Variants in RTF1 observed in about 807,000 individuals in gnomAD.
RTF1 encodes the protein RNA polymerase-associated protein RTF1 homolog.
RTF1 carries 10 observed loss-of-function variants against 95.7 expected under a neutral mutation model. The observed-to-expected ratio is 0.10, with a 90% CI of 0.06 to 0.18. The LOEUF (loss-of-function observed/expected upper bound fraction) is 0.18. Among genes scored for constraint, RTF1 ranks in the 10% least tolerant of loss-of-function variants. The pLI is 1.00. For missense variants in RTF1, 458 were observed against 875.6 expected, an observed-to-expected ratio of 0.52 and a Z score of 6.02; for synonymous variants, 305 against 311.8, an observed-to-expected ratio of 0.98 and a Z score of 0.23.
intron 5 of RTF1, among the ~76,000 whole-genome samples, chr15:41,465,573 G>A (rs914013767): frequency 1.3e-5 from 2 of 152,016 alleles, no homozygotes; most frequent in South Asian, 2.1e-4. Flanking sequence ...CCTCAGAAGC[G>A]GAGGTTGCAG....
At chr15:41,424,011 C>T (rs1295355616) in intron 1 of RTF1, among the ~76,000 whole-genome samples, 1 of 152,194 alleles carries the variant, frequency 6.6e-6, no homozygotes, top group Non-Finnish European at 1.5e-5. Flanking sequence ...CCTTGGCTTC[C>T]CCAGGGTGCT....
At chr15:41,454,635 C>A (rs2050803938) in intron 3 of RTF1, among the ~76,000 whole-genome samples, 1 of 152,102 alleles carries the variant, frequency 6.6e-6, no homozygotes, top group African/African-American at 2.4e-5. Flanking sequence ...GGAGACACCA[C>A]CTTTACCAAG....
rs200907186 is a variant in RTF1 at position 41,480,312 on chromosome 15, A to G, written c.2013A>G (p.Gln671=). 1.2e-6 allele frequency: 2 copies of G among 1,609,794 alleles called. No individual in the cohort carries two copies. The highest frequency in any genetic ancestry group is 1.1e-5 in the South Asian group (1 of 90,998). ...VHDFDVKIDL[Q]VPSSESKALA... is the part of the protein sequence containing the mutation. The stretch of plus-strand genomic sequence containing the variant: ...ATTTTGATGTGAAGATTGACTTACA[A>G]GTTCCCAGCTCAGGTATGTGAGGGT... The change falls in exon 17 of 18, where the codon CAA becomes CAG. Residue 671 remains glutamine, a synonymous_variant. Transcript: ENST00000389629.
At chr15:41,432,078 C>T (rs1028176433) in intron 1 of RTF1, among the ~76,000 whole-genome samples, 1 of 151,950 alleles carries the variant, frequency 6.6e-6, no homozygotes, top group African/African-American at 2.4e-5. Flanking sequence ...GGATTACAGG[C>T]ATGAGCCACT....
chr15:41,482,185 GGTGT>G lies in RTF1; in HGVS notation c.*1503_*1506del, dbSNP rs1333274616. The G allele has an allele frequency of 2.0e-5, 3 of 152,724 alleles. No homozygotes were observed. The East Asian group carries it at 5.8e-4, about 29-fold the overall frequency. The allele number at this position is 152,724 out of a possible 1,614,324, so 9.5% of individuals were successfully genotyped here. A position where few individuals can be genotyped will look rare whatever the true frequency, so the allele number is the denominator to read the frequency against. ...GTGCAGCTAGGGCGAAGCCAGCAGAGGTGTGTGTATGTCTTTATGAAATGTTTGA... is the reference window on the plus strand; with the variant it reads ...GTGCAGCTAGGGCGAAGCCAGCAGAGGTGTATGTCTTTATGAAATGTTTGA... On this transcript the variant is annotated 3_prime_UTR_variant, in exon 18 of 18. Coordinates refer to ENST00000389629, the MANE Select transcript of RTF1 (RefSeq NM_015138.5).
At chr15:41,431,360 G>A (rs969131052) in intron 1 of RTF1, among the ~76,000 whole-genome samples, 2 of 151,184 alleles carry the variant, frequency 1.3e-5, no homozygotes, top group Non-Finnish European at 2.9e-5. Flanking sequence ...GATTACAGGC[G>A]CCTGCCACCA....
intron 3 of RTF1, among the ~76,000 whole-genome samples, chr15:41,453,537 G>T (rs955464862): frequency 6.6e-6 from 1 of 152,060 alleles, no homozygotes; most frequent in African/African-American, 2.4e-5. Context: ...ACTAGCCTGG[G>T]TAACATAGTG....
intron 4 of RTF1, among the ~76,000 whole-genome samples, 176 bp downstream of exon 4, chr15:41,458,052 C>T (rs1235279851): frequency 6.6e-6 from 1 of 152,126 alleles, no homozygotes; most frequent in Non-Finnish European, 1.5e-5. Flanking sequence ...TCATTATTTA[C>T]TCAGTGCCAC....
rs528689623 is a variant in RTF1, at chr15:41,426,830, TTTTG to T, written c.198+9541_198+9544del. On this transcript the variant is annotated intron_variant, in intron 1 of 17. Transcript: ENST00000389629. ...GTGTGTGTGTGTGTGTGTGTGTAAT[TTTTG>T]TTTGTTTGTTTGTTTGTTTGTTTTT... 1.8e-3 allele frequency among the ~76,000 whole-genome samples: 248 copies of T among 140,124 alleles called. 1 individual carries two copies. Among genetic ancestry groups the T allele is most frequent in the African/African-American group, 5.1e-3 (194 of 38,092 alleles). The allele number at this position is 140,124 out of a possible 152,430, so 91.9% of individuals were successfully genotyped here.
At position 41,474,718 on chromosome 15, in the gene RTF1, G is replaced by C. The variant is rs777076791; in HGVS notation, c.1286+16G>C. 2.5e-6 allele frequency: 4 copies of C among 1,594,370 alleles called. No homozygotes were observed. Among genetic ancestry groups the C allele is most frequent in the Non-Finnish European group, 3.4e-6 (4 of 1,162,128 alleles). On this transcript the variant is annotated intron_variant, in intron 9 of 17. Coordinates refer to ENST00000389629, the MANE Select transcript of RTF1 (RefSeq NM_015138.5). ...TGCAACTACGGTAGGAGGCACTTCT[G>C]GGGTAGCTTCTGCTTCCACTTCAAA... is the stretch of plus-strand genomic sequence containing the variant.
intron 2 of RTF1, among the ~76,000 whole-genome samples, chr15:41,439,210 A>G (rs1389352724): frequency 1.3e-5 from 2 of 148,826 alleles, no homozygotes; most frequent in Admixed American, 1.3e-4. Flanking sequence ...TTTTTTTTTT[A>G]TTTTTAGTAG....
chr15:41,457,903 C>T (rs761579044), intron 4 of RTF1, 27 bp downstream of exon 4: 4 of 1,562,050 alleles, frequency 2.6e-6, no homozygotes, highest in Admixed American at 3.4e-5. Flanking sequence ...CGTTGTCCCC[C>T]CCCCGCCCCC....
At chr15:41,458,556 G>A (rs2050830445) in intron 4 of RTF1, among the ~76,000 whole-genome samples, 1 of 152,000 alleles carries the variant, frequency 6.6e-6, no homozygotes, top group Non-Finnish European at 1.5e-5. Flanking sequence ...AGACCAGCCT[G>A]GCCAACATGG....
intron 1 of RTF1, among the ~76,000 whole-genome samples, chr15:41,426,544 A>C (rs1300348415): frequency 1.3e-5 from 2 of 151,690 alleles, no homozygotes; most frequent in Admixed American, 6.6e-5. Flanking sequence ...AGACGTCATG[A>C]TCTGCCCACC....
chr15:41,421,578 T>C (rs977124932), intron 1 of RTF1, among the ~76,000 whole-genome samples: 2 of 151,686 alleles, frequency 1.3e-5, no homozygotes, highest in Non-Finnish European at 2.9e-5. Context: ...TTGCAGTTAC[T>C]TGTGGTCCCA....
Position 41,417,189 on chromosome 15 carries a change from A to C in RTF1, c.74A>C (p.Gln25Pro), listed in dbSNP as rs777836965. ...GTGGCGGTCCCACTGGCAGGCGGGCAAGAGGGGAGTCCGGGCGGCGGCCGG... is the reference window on the plus strand; with the variant it reads ...GTGGCGGTCCCACTGGCAGGCGGGCCAGAGGGGAGTCCGGGCGGCGGCCGG... ...AAVAVPLAGG[Q>P]EGSPGGGRRG... Residue 25 changes from glutamine to proline, a missense_variant, in exon 1 of 18, where the codon CAA becomes CCA. By Grantham distance (76) the Gln-to-Pro change is moderately conservative. Around this residue, in one of 11 missense-constraint regions of RTF1, gnomAD observed 81 missense variants for 59.9 expected, o/e 1.35. Transcript: ENST00000389629. 1.6e-6 allele frequency: 2 copies of C among 1,264,262 alleles called. No individual in the cohort carries two copies. The highest frequency in any genetic ancestry group is 8.4e-5 in the Admixed American group (2 of 23,842). The allele number at this position is 1,264,262 out of a possible 1,614,324, so 78.3% of individuals were successfully genotyped here.
rs1193957125 is a variant in RTF1 at position 41,481,267 on chromosome 15, G to A, written c.*580G>A. On this transcript the variant is annotated 3_prime_UTR_variant, in exon 18 of 18. Transcript: ENST00000389629. ...TGTGGGGGGGGGGGGTCTAATTTGA[G>A]AGCGAGAGTGTGTATGTGTGTGTGT... The A allele has an allele frequency of 1.3e-5, 2 of 152,196 alleles. No individual in the cohort carries two copies. Among genetic ancestry groups the A allele is most frequent in the African/African-American group, 4.9e-5 (2 of 40,452 alleles). 9.4% of individuals were successfully genotyped at this position (152,196 alleles called of 1,614,324 possible).
intron 1 of RTF1, among the ~76,000 whole-genome samples, chr15:41,423,469 A>G (rs2140944197): frequency 6.7e-6 from 1 of 150,008 alleles, no homozygotes; most frequent in Admixed American, 6.7e-5. Context: ...CTCTAGGTTC[A>G]AGTGATTCTC....
chr15:41,463,634 A>T (rs576192930), intron 4 of RTF1, among the ~76,000 whole-genome samples: 1 of 152,186 alleles, frequency 6.6e-6, no homozygotes, highest in African/African-American at 2.4e-5. Flanking sequence ...AGCATGTACC[A>T]CCATGTCCAG....
Sources: gnomAD v4.1 joint callset for allele counts (sites outside exome capture counted in the v4.1 genomes callset) on GRCh38, gnomAD v4.1.1 for gene constraint, gnomAD v4.1.1 regional missense constraint, MANE v1.5 for transcripts, NCBI Gene and HGNC (gene_info 2026-07-23, HGNC 2026-07-21) for gene names.